The following PDE11A variants were observed in gnomAD, a reference collection of about 807,000 sequenced individuals.
The protein encoded by PDE11A is dual 3',5'-cyclic-AMP and -GMP phosphodiesterase 11A.
A neutral mutation model predicts 100.5 loss-of-function variants in PDE11A; 100 were observed. The ratio of observed to expected loss-of-function variants is 1.00; its 90% CI spans 0.85 to 1.18. The LOEUF is 1.18. PDE11A is among the 50% of genes most tolerant of loss of function. The pLI is 0.00. For missense variants in PDE11A, 1,141 were observed against 1,152.6 expected, an observed-to-expected ratio of 0.99 and a Z score of 0.15; for synonymous variants, 381 against 420.8, an observed-to-expected ratio of 0.91 and a Z score of 1.16.
chr2:177,799,318 T>C (rs1208371892), intron 9 of PDE11A, among the ~76,000 whole-genome samples: 1 of 152,132 alleles, frequency 6.6e-6, no homozygotes, highest in Non-Finnish European at 1.5e-5. Flanking sequence ...GTATGGACTT[T>C]AGTTGATAAT....
chr2:177,645,661 C>T (rs775994919), intron 19 of PDE11A, among the ~76,000 whole-genome samples: 1 of 152,172 alleles, frequency 6.6e-6, no homozygotes, highest in Non-Finnish European at 1.5e-5. Context: ...GCAGGTGGCA[C>T]AGTGTTTTGG....
intron 5 of PDE11A, among the ~76,000 whole-genome samples, chr2:177,853,452 A>G (rs779037616): frequency 5.3e-5 from 8 of 151,280 alleles, no homozygotes; most frequent in African/African-American, 7.3e-5. Flanking sequence ...CGGTGGCATC[A>G]TTATCAGATT....
At chr2:177,668,973 A>C (rs185299195) in intron 18 of PDE11A, among the ~76,000 whole-genome samples, 11 of 152,334 alleles carry the variant, frequency 7.2e-5, no homozygotes, top group Admixed American at 7.2e-4. Flanking sequence ...TTCTTAAGTA[A>C]TAACTGAGCA....
At chr2:177,980,825 A>C (rs923299244) in intron 2 of PDE11A, among the ~76,000 whole-genome samples, 2 of 150,598 alleles carry the variant, frequency 1.3e-5, no homozygotes, top group Non-Finnish European at 3.0e-5. Flanking sequence ...ATTGTCAGAG[A>C]AATGAAGAGT....
chr2:177,641,947 C>A (rs1001830309), intron 19 of PDE11A, among the ~76,000 whole-genome samples: 2 of 152,108 alleles, frequency 1.3e-5, no homozygotes, highest in African/African-American at 4.8e-5. Context: ...GCATTATCAA[C>A]CCGTTTTAGA....
At chr2:177,808,693 T>G (rs1169457216) in intron 9 of PDE11A, among the ~76,000 whole-genome samples, 1 of 152,138 alleles carries the variant, frequency 6.6e-6, no homozygotes, top group African/African-American at 2.4e-5. Flanking sequence ...TGGTAGCTGA[T>G]CCATACCTAA....
intron 4 of PDE11A, among the ~76,000 whole-genome samples, chr2:177,889,768 ATTTATTCC>A (rs2084500247): frequency 6.6e-6 from 1 of 151,164 alleles, no homozygotes; most frequent in African/African-American, 2.4e-5. Context: ...ACTGCTTATC[ATTTATTCC>A]TTAAGCTTTT....
In PDE11A at chr2:178,016,227, C is replaced by A. The variant is rs1029035195; in HGVS notation, c.913-1767G>T. Among the ~76,000 whole-genome samples the A allele has an allele frequency of 2.7e-5, 4 of 146,134 alleles. No individual in the cohort carries two copies. In the Admixed American group the frequency reaches 2.9e-4, roughly 10 times the overall value. On this transcript the variant is annotated intron_variant, in intron 1 of 19. Transcript: ENST00000286063. Reference sequence around the variant, plus strand: ...CGAACTCCTGACCGCAGGTGATCCACTCGCCTTGGCCTCCCAAAGTGTTGG... The same window carrying A: ...CGAACTCCTGACCGCAGGTGATCCAATCGCCTTGGCCTCCCAAAGTGTTGG...
Position 178,071,522 on chromosome 2 carries a change from C to T in PDE11A, c.912+4G>A, listed in dbSNP as rs1369016072. ...TGGGAGAAGGGGACAATGCAAAGTC[C>T]TACCTGGTAGGCATCAGGAATGTTG... On this transcript the variant is annotated splice_donor_region_variant and intron_variant, in intron 1 of 19. Coordinates refer to ENST00000286063, the MANE Select transcript of PDE11A (RefSeq NM_016953.4). 2 of 1,613,120 alleles carry T rather than the reference C, an allele frequency of 1.2e-6. No homozygotes were observed. Among genetic ancestry groups the T allele is most frequent in the South Asian group, 2.2e-5 (2 of 91,016 alleles).
chr2:178,014,518 G>C (rs2086310765), intron 1 of PDE11A, 58 bp from the exon 2 acceptor site: 1 of 1,404,762 alleles, frequency 7.1e-7, no homozygotes, highest in South Asian at 1.2e-5. Flanking sequence ...GGGAGAAGGA[G>C]AGAGAGGTTT....
chr2:177,882,660 T>C (rs970645735), intron 4 of PDE11A, among the ~76,000 whole-genome samples: 1 of 152,184 alleles, frequency 6.6e-6, no homozygotes. Flanking sequence ...CCTTTGCTGC[T>C]GATCAGCCCT....
intron 1 of PDE11A, among the ~76,000 whole-genome samples, chr2:178,017,118 T>A (rs2086348398): frequency 1.3e-5 from 2 of 152,276 alleles, no homozygotes; most frequent in Non-Finnish European, 2.9e-5. Flanking sequence ...TAATATTTTT[T>A]AAATAATTTA....
intron 1 of PDE11A, among the ~76,000 whole-genome samples, chr2:178,038,283 C>T (rs1376146169): frequency 1.3e-5 from 2 of 151,832 alleles, no homozygotes; most frequent in Admixed American, 6.6e-5. Flanking sequence ...ACCTTCCATC[C>T]CTCCCACCCC....
At chr2:178,032,608 A>C (rs1040728979) in intron 1 of PDE11A, among the ~76,000 whole-genome samples, 1 of 152,308 alleles carries the variant, frequency 6.6e-6, no homozygotes, top group African/African-American at 2.4e-5. Context: ...TACTGGGAGA[A>C]ACCTCCCAAC....
chr2:177,886,185 A>C (rs2084426622), intron 4 of PDE11A, among the ~76,000 whole-genome samples: 1 of 152,216 alleles, frequency 6.6e-6, no homozygotes, highest in South Asian at 2.1e-4. Context: ...TAAGCAGGGA[A>C]TATTCAGTTC....
intron 12 of PDE11A, 139 bp from the exon 13 acceptor site, chr2:177,712,017 A>T: frequency 1.6e-6 from 1 of 640,294 alleles, no homozygotes; most frequent in Non-Finnish European, 2.9e-6. Context: ...CTCAGACAAC[A>T]GTAAGTTGGG....
intron 19 of PDE11A, among the ~76,000 whole-genome samples, chr2:177,631,544 TATACAC>T (rs1272015358): frequency 0.12 from 1,966 of 16,082 alleles, 558 homozygotes; most frequent in East Asian, 0.32. Flanking sequence ...TATATATATA[TATACAC>T]ATGTATATAT....
chr2:177,633,432 G>C (rs1178979507), intron 19 of PDE11A, among the ~76,000 whole-genome samples: 1 of 152,176 alleles, frequency 6.6e-6, no homozygotes, highest in Non-Finnish European at 1.5e-5. Context: ...ATATGAATAT[G>C]AGTAAAATGT....
At chr2:177,747,575 T>C (rs1480950357) in intron 10 of PDE11A, among the ~76,000 whole-genome samples, 1 of 152,240 alleles carries the variant, frequency 6.6e-6, no homozygotes, top group Non-Finnish European at 1.5e-5. Flanking sequence ...ACTGGTCTCT[T>C]GGGCTAGTTT....
Sources: allele counts gnomAD v4.1 joint callset (sites outside exome capture counted in the v4.1 genomes callset), GRCh38; gene constraint gnomAD v4.1.1; transcripts MANE v1.5; gene names NCBI Gene and HGNC (gene_info 2026-07-23, HGNC 2026-07-21).